Variants in CDH4 observed in about 807,000 individuals in gnomAD.
CDH4 encodes the protein cadherin 4, also known as cadherin-4.
CDH4 carries 33 observed loss-of-function variants against 86.0 expected under a neutral mutation model. The observed-to-expected ratio is 0.38, with a 90% CI of 0.29 to 0.51. The LOEUF (loss-of-function observed/expected upper bound fraction) is 0.51. CDH4 is among the 20% of genes least tolerant of loss of function. CDH4 has a pLI of 0.86. For missense variants in CDH4, 1,114 were observed against 1,307.4 expected, an observed-to-expected ratio of 0.85 and a Z score of 2.28; for synonymous variants, 555 against 549.4, an observed-to-expected ratio of 1.01 and a Z score of -0.14.
intron 9 of CDH4, among the ~76,000 whole-genome samples, chr20:61,915,807 G>A (rs987625197): frequency 2.0e-5 from 3 of 152,136 alleles, no homozygotes; most frequent in African/African-American, 7.2e-5. Context: ...CTGCACCTTG[G>A]CCGTGGGGCT....
At chr20:61,577,815 C>G (rs6121703) in intron 2 of CDH4, among the ~76,000 whole-genome samples, 16,949 of 152,238 alleles carry the variant, frequency 0.11, 2,168 homozygotes, top group African/African-American at 0.31. Context: ...AATACCAAGA[C>G]TATGTCTTGA....
chr20:61,390,142 A>G (rs1000922352), intron 2 of CDH4, among the ~76,000 whole-genome samples: 3 of 148,210 alleles, frequency 2.0e-5, no homozygotes, highest in African/African-American at 5.0e-5. Context: ...GGAAACCCCA[A>G]TTGGGTTCAT....
At chr20:61,917,649 G>A (rs938849800) in intron 9 of CDH4, among the ~76,000 whole-genome samples, 8 of 152,270 alleles carry the variant, frequency 5.3e-5, no homozygotes, top group African/African-American at 1.7e-4. Context: ...ACCTGGTCCT[G>A]CCCACTCCGC....
At position 61,912,905 on chromosome 20, in the gene CDH4, A is replaced by G. The variant is rs184272684; in HGVS notation, c.1374+2298A>G. 7.2e-5 allele frequency among the ~76,000 whole-genome samples: 11 copies of G among 152,342 alleles called. No homozygotes were observed. The East Asian group carries it at 1.9e-3, about 27-fold the overall frequency. ...TAGCTCTGGCCTCTAGAAACCCACAAGGTGAATCGTCAGCTGCTTTGCTGG... is the reference window on the plus strand; with the variant it reads ...TAGCTCTGGCCTCTAGAAACCCACAGGGTGAATCGTCAGCTGCTTTGCTGG... On this transcript the variant is annotated intron_variant, in intron 9 of 15. Coordinates refer to ENST00000614565, the MANE Select transcript of CDH4 (RefSeq NM_001794.5).
intron 4 of CDH4, among the ~76,000 whole-genome samples, chr20:61,828,227 G>A (rs562265974): frequency 1.3e-5 from 2 of 152,256 alleles, no homozygotes; most frequent in African/African-American, 4.8e-5. Context: ...GTGGCAACGA[G>A]AGAGACCAAG....
intron 2 of CDH4, among the ~76,000 whole-genome samples, chr20:61,422,775 C>T (rs1262068506): frequency 6.6e-6 from 1 of 152,154 alleles, no homozygotes; most frequent in Non-Finnish European, 1.5e-5. Context: ...CACCTGCTTG[C>T]TCAGAGCTTC....
intron 2 of CDH4, among the ~76,000 whole-genome samples, chr20:61,523,765 A>G (rs1481727455): frequency 6.6e-6 from 1 of 152,210 alleles, no homozygotes; most frequent in Non-Finnish European, 1.5e-5. Context: ...ATACCTTTGC[A>G]TTCGTTATTC....
chr20:61,366,114 T>A (rs1223051828), intron 2 of CDH4, among the ~76,000 whole-genome samples: 1 of 152,204 alleles, frequency 6.6e-6, no homozygotes, highest in Admixed American at 6.5e-5. Context: ...GTAAGTGTCC[T>A]GTGGGAAGAG....
At chr20:61,880,223 C>G (rs1806348612) in intron 7 of CDH4, among the ~76,000 whole-genome samples, 1 of 152,160 alleles carries the variant, frequency 6.6e-6, no homozygotes, top group Admixed American at 6.5e-5. Flanking sequence ...GGCATTTCTC[C>G]CAGACAGCGA....
intron 2 of CDH4, among the ~76,000 whole-genome samples, chr20:61,310,827 C>T (rs1392143742): frequency 1.3e-5 from 2 of 152,186 alleles, no homozygotes; most frequent in African/African-American, 4.8e-5. Context: ...TGTCTGCGTC[C>T]TAGCTCCCTC....
intron 4 of CDH4, among the ~76,000 whole-genome samples, chr20:61,774,903 A>T (rs2088819676): frequency 6.6e-6 from 1 of 152,110 alleles, no homozygotes; most frequent in South Asian, 2.1e-4. Context: ...TTTGTACCAC[A>T]TTTGCTTTAT....
intron 2 of CDH4, among the ~76,000 whole-genome samples, chr20:61,375,314 G>C (rs2084860895): frequency 6.6e-6 from 1 of 152,182 alleles, no homozygotes; most frequent in Admixed American, 6.5e-5. Context: ...TGCTGATGGA[G>C]GTGATGGTGG....
intron 2 of CDH4, among the ~76,000 whole-genome samples, chr20:61,707,200 C>T (rs2087841202): frequency 6.6e-6 from 1 of 152,232 alleles, no homozygotes; most frequent in African/African-American, 2.4e-5. Flanking sequence ...TGGTCCTGAG[C>T]TCCCTGAGGA....
chr20:61,763,447 C>T (rs993629455), intron 3 of CDH4, among the ~76,000 whole-genome samples: 78 of 152,320 alleles, frequency 5.1e-4, no homozygotes, highest in African/African-American at 1.8e-3. Context: ...GGCATTTTCA[C>T]GCAATGGCTA....
At chr20:61,905,735 C>T (rs2054781461) in intron 8 of CDH4, among the ~76,000 whole-genome samples, 1 of 152,192 alleles carries the variant, frequency 6.6e-6, no homozygotes, top group Admixed American at 6.5e-5. Flanking sequence ...GCTGGCATGT[C>T]CCTAGGTCAC....
chr20:61,823,873 A>G (rs1049158153), intron 4 of CDH4, among the ~76,000 whole-genome samples: 5 of 152,266 alleles, frequency 3.3e-5, no homozygotes, highest in East Asian at 3.8e-4. Context: ...GACTCTATCA[A>G]TAAATACTAT....
In CDH4 at chr20:61,711,396, C is replaced by T. The variant is rs573424429; in HGVS notation, c.170-32167C>T. ...TGTGAGAATGGACTAATACAGAAGGCTTGCAGGCTAGCCAAGTAGTTGGCA... is the reference window on the plus strand; with the variant it reads ...TGTGAGAATGGACTAATACAGAAGGTTTGCAGGCTAGCCAAGTAGTTGGCA... On this transcript the variant is annotated intron_variant, in intron 2 of 15. Transcript: ENST00000614565. 1.6e-4 allele frequency among the ~76,000 whole-genome samples: 25 copies of T among 152,342 alleles called. No homozygotes were observed. In the South Asian group the frequency reaches 3.9e-3, roughly 24 times the overall value.
At chr20:61,423,349 C>G (rs1193154872) in intron 2 of CDH4, among the ~76,000 whole-genome samples, 1 of 152,172 alleles carries the variant, frequency 6.6e-6, no homozygotes, top group African/African-American at 2.4e-5. Flanking sequence ...GCAGAGGCCA[C>G]TGCCTCATGT....
chr20:61,709,960 G>A lies in CDH4; in HGVS notation c.170-33603G>A, dbSNP rs1045720244. Among the ~76,000 whole-genome samples the A allele has an allele frequency of 1.3e-5, 2 of 152,146 alleles. No homozygotes were observed. Among genetic ancestry groups the A allele is most frequent in the Non-Finnish European group, 2.9e-5 (2 of 68,038 alleles). On this transcript the variant is annotated intron_variant, in intron 2 of 15. Coordinates refer to ENST00000614565, the MANE Select transcript of CDH4 (RefSeq NM_001794.5). The surrounding 1 kb of genome is among the most constrained non-coding windows in gnomAD (Gnocchi z 4.8). ...CGGGATCGGGCAAGACCATCTGTGT[G>A]TTGTAGGGAAAAGTTTGCCACCAAC...
Sources: allele counts gnomAD v4.1 joint callset (sites outside exome capture counted in the v4.1 genomes callset), GRCh38; gene constraint gnomAD v4.1.1; non-coding constraint Gnocchi (gnomAD v3.1); transcripts MANE v1.5; gene names NCBI Gene and HGNC (gene_info 2026-07-23, HGNC 2026-07-21).